The following FXYD5 variants were observed in gnomAD, a reference collection of about 807,000 sequenced individuals.
FXYD5 encodes the protein FXYD domain containing ion transport regulator 5.
Under a neutral mutation model 25.7 loss-of-function variants are expected in FXYD5, and 21 were observed. That is an observed-to-expected ratio of 0.82 (90% CI 0.58 to 1.18). FXYD5 has a LOEUF of 1.18. FXYD5 is among the 50% of genes most tolerant of loss of function. The pLI, the probability that FXYD5 is intolerant of heterozygous loss-of-function variation, is 0.00. For missense variants in FXYD5, 229 were observed against 227.7 expected (o/e 1.01, Z -0.04); for synonymous variants, 101 against 90.7 (o/e 1.11, Z -0.64).
At chr19:35,158,295 CTT>C (rs2065374830) in intron 3 of FXYD5, 47 bp from the exon 4 acceptor site, 1 of 1,294,590 alleles carries the variant, frequency 7.7e-7, no homozygotes, top group African/African-American at 1.5e-5. Flanking sequence ...TTGCCCACTT[CTT>C]TTTCTCTCTC....
rs147168736 is a variant in FXYD5, at chr19:35,161,221, A to AAC, written c.292+446_292+447dup. On this transcript the variant is annotated intron_variant, in intron 5 of 8. Coordinates refer to ENST00000392219, the MANE Select transcript of FXYD5 (RefSeq NM_014164.6). ...TGCAAAATATAGAAAATTCACCTTA[A>AAC]ACACACACACACACACACACACACA... 4.4e-3 allele frequency among the ~76,000 whole-genome samples: 170 copies of AAC among 38,236 alleles called. 1 individual carries two copies. Among genetic ancestry groups the AAC allele is most frequent in the Admixed American group, 0.013 (41 of 3,218 alleles). 25.1% of individuals were successfully genotyped at this position (38,236 alleles called of 152,430 possible).
intron 2 of FXYD5, 144 bp from the exon 3 acceptor site, chr19:35,157,277 T>A (rs2065364523): frequency 1.8e-6 from 1 of 550,110 alleles, no homozygotes; most frequent in Admixed American, 3.1e-5. Flanking sequence ...GAAAACACTT[T>A]CAGAATTATG....
chr19:35,159,433 G>T, intron 4 of FXYD5: 1 of 1,510,308 alleles, frequency 6.6e-7, no homozygotes, highest in Non-Finnish European at 8.9e-7. Context: ...TTGTTTCTTC[G>T]TGCAGTCGTA....
At position 35,169,628 on chromosome 19, in the gene FXYD5, CAG is replaced by C. The variant is rs2065481066; in HGVS notation, c.*14_*15del. 1 of 1,592,070 alleles carries C rather than the reference CAG, an allele frequency of 6.3e-7. No individual in the cohort carries two copies. The highest frequency in any genetic ancestry group is 8.6e-7 in the Non-Finnish European group (1 of 1,159,880). On this transcript the variant is annotated 3_prime_UTR_variant, in exon 9 of 9. Transcript: ENST00000392219. ...TCGTTGCAGGTGAGTCCATCAGAAA[CAG>C]GAGCTGACAACCTGCTGGGCACCCG...
At chr19:35,155,756 C>T (rs2065348718) in intron 2 of FXYD5, 145 bp downstream of exon 2, 1 of 697,258 alleles carries the variant, frequency 1.4e-6, no homozygotes. Context: ...AAGTGGGGAT[C>T]CCTATGGCGG....
chr19:35,160,367 G>C (rs1264810187), intron 4 of FXYD5, among the ~76,000 whole-genome samples: 1 of 152,064 alleles, frequency 6.6e-6, no homozygotes, highest in Non-Finnish European at 1.5e-5. Flanking sequence ...GGTTTTTTCT[G>C]AGATGGAGTT....
Position 35,158,614 on chromosome 19 carries a change from T to C in FXYD5, c.199+214T>C, listed in dbSNP as rs528791330. On this transcript the variant is annotated intron_variant, in intron 4 of 8. Transcript: ENST00000392219. The stretch of plus-strand genomic sequence containing the variant: ...TGAAATTGTGAAATTAACATGCATA[T>C]AGAAAAATACAAAACCCATAAATTT... Among the ~76,000 whole-genome samples the C allele has an allele frequency of 2.6e-5, 4 of 152,218 alleles. No individual in the cohort carries two copies. The East Asian group carries it at 5.8e-4, about 22-fold the overall frequency.
In FXYD5 at chr19:35,157,478, T is replaced by C. The variant is rs866048719; in HGVS notation, c.119T>C (p.Ile40Thr). 1 of 1,576,494 alleles carries C rather than the reference T, an allele frequency of 6.3e-7. No individual in the cohort carries two copies. The highest frequency in any genetic ancestry group is 1.1e-5 in the South Asian group (1 of 90,296). The part of the protein sequence containing the change: ...SSSADSTIMD[I>T]QVPTRAPDAV... ...TCAGCAGACTCAACTATCATGGACA[T>C]TCAGGTCCCGACACGAGCCCCAGGT... is the stretch of plus-strand genomic sequence containing the variant. The change falls in exon 3 of 9, where the codon ATT becomes ACT. Residue 40 changes from isoleucine to threonine, a missense_variant. Ile to Thr is a moderately conservative substitution (Grantham distance 89). Transcript: ENST00000392219.
chr19:35,156,446 A>G (rs1300666159), intron 2 of FXYD5, among the ~76,000 whole-genome samples: 1 of 152,206 alleles, frequency 6.6e-6, no homozygotes, highest in African/African-American at 2.4e-5. Flanking sequence ...AAGTTAGTAA[A>G]TTATATCGTG....
intron 5 of FXYD5, 99 bp downstream of exon 5, chr19:35,160,900 G>A (rs1008403408): frequency 1.3e-6 from 1 of 756,782 alleles, no homozygotes; most frequent in Admixed American, 2.2e-5. Context: ...CCCTGTTTGG[G>A]GAATTGTTAA....
At chr19:35,160,645 C>T in intron 4 of FXYD5, 64 bp from the exon 5 acceptor site, 2 of 1,150,658 alleles carry the variant, frequency 1.7e-6, no homozygotes, top group South Asian at 1.2e-5. Flanking sequence ...CGCGCCCGGC[C>T]CCAATTCTCT....
At position 35,155,621 on chromosome 19, in the gene FXYD5, A is replaced by T. The variant is rs111726915; in HGVS notation, c.61+10A>T. The T allele has an allele frequency of 6.4e-5, 103 of 1,600,108 alleles. 1 individual carries two copies. The African/African-American group carries it at 1.3e-3, about 20-fold the overall frequency. ...ATTCTCCCCACCAGAGGTAAGACCC[A>T]TCTCTGGCCTCCACCCTGCCCCAGA... On this transcript the variant is annotated intron_variant, in intron 2 of 8. Transcript: ENST00000392219.
chr19:35,161,248 A>ACACACAAACACACACACACACACACACAC (rs61309039), intron 5 of FXYD5, among the ~76,000 whole-genome samples: 1 of 142,852 alleles, frequency 7.0e-6, no homozygotes, highest in Non-Finnish European at 1.5e-5. Flanking sequence ...ACACACACAC[A>ACACACAAACACACACACACACACACACAC]AAAGAATGAT....
chr19:35,161,247 C>CACACACACACACAA (rs1159555518), intron 5 of FXYD5, among the ~76,000 whole-genome samples: 2 of 126,812 alleles, frequency 1.6e-5, no homozygotes, highest in African/African-American at 6.5e-5. Context: ...CACACACACA[C>CACACACACACACAA]AAAAGAATGA....
chr19:35,154,824 T>C lies in FXYD5; in HGVS notation c.-1+15T>C, dbSNP rs2451992. The C allele has an allele frequency of 1, 153,428 of 153,432 alleles. 76,712 individuals carry two copies. The highest frequency in any genetic ancestry group is 1 in the Middle Eastern group (296 of 296). The allele number at this position is 153,432 out of a possible 1,614,324, so 9.5% of individuals were successfully genotyped here. On this transcript the variant is annotated intron_variant, in intron 1 of 8. Transcript: ENST00000392219. ...CCAGCTCCGACGTAAGTCCCTCTCGTGCGCCACCTCCATCCGCTGCCCCTC... is the reference window on the plus strand; with the variant it reads ...CCAGCTCCGACGTAAGTCCCTCTCGCGCGCCACCTCCATCCGCTGCCCCTC...
chr19:35,157,382 A>C (rs1293774679), intron 2 of FXYD5, 39 bp from the exon 3 acceptor site: 1 of 1,109,504 alleles, frequency 9.0e-7, no homozygotes, highest in Non-Finnish European at 1.4e-6. Context: ...GAGGAGGGGG[A>C]CCAGGCTCCC....
intron 2 of FXYD5, 51 bp downstream of exon 2, chr19:35,155,662 A>C (rs1461602459): frequency 2.2e-6 from 3 of 1,361,938 alleles, no homozygotes; most frequent in Non-Finnish European, 3.1e-6. Flanking sequence ...CAGCCAGGCC[A>C]GCCCCACGTG....
At chr19:35,164,537 GTTC>G (rs983974098) in intron 6 of FXYD5, among the ~76,000 whole-genome samples, 1 of 152,194 alleles carries the variant, frequency 6.6e-6, no homozygotes, top group African/African-American at 2.4e-5. Context: ...CAGCTGGCTG[GTTC>G]TTCTGGTTTC....
At chr19:35,158,811 C>T (rs906628389) in intron 4 of FXYD5, among the ~76,000 whole-genome samples, 14 of 151,872 alleles carry the variant, frequency 9.2e-5, no homozygotes, top group Non-Finnish European at 1.0e-4. Flanking sequence ...AATTTTTGGA[C>T]GTTTTCTTGA....
Sources: allele counts gnomAD v4.1 joint callset (sites outside exome capture counted in the v4.1 genomes callset), GRCh38; gene constraint gnomAD v4.1.1; transcripts MANE v1.5; gene names NCBI Gene and HGNC (gene_info 2026-07-23, HGNC 2026-07-21).